Variants in SOX6 observed in about 807,000 individuals in gnomAD.
SOX6 encodes SRY-box transcription factor 6.
Under a neutral mutation model 97.8 loss-of-function variants are expected in SOX6, and 11 were observed. The ratio of observed to expected loss-of-function variants is 0.11; its 90% CI spans 0.07 to 0.19. The LOEUF is 0.19. Ranked by LOEUF, SOX6 falls within the 10% of genes least tolerant of loss-of-function variation. The pLI is 1.00. For synonymous variants in SOX6, 360 were observed against 371.4 expected (o/e 0.97, Z 0.35); for missense variants, 810 against 1,039.5 (o/e 0.78, Z 3.04).
chr11:16,064,882 C>T (rs998442898), intron 9 of SOX6, among the ~76,000 whole-genome samples: 2 of 151,738 alleles, frequency 1.3e-5, no homozygotes, highest in Non-Finnish European at 2.9e-5. Context: ...TAATAAAAGC[C>T]GTATATGACA....
intron 1 of SOX6, among the ~76,000 whole-genome samples, chr11:16,468,319 T>C (rs1186934916): frequency 2.0e-5 from 3 of 152,194 alleles, no homozygotes; most frequent in Non-Finnish European, 1.5e-5. Flanking sequence ...CTAAACTGAA[T>C]ACTAATGCAA....
chr11:16,343,597 T>C (rs1181266722), intron 1 of SOX6, among the ~76,000 whole-genome samples: 3 of 151,984 alleles, frequency 2.0e-5, no homozygotes, highest in Non-Finnish European at 4.4e-5. Context: ...TTTGTTAGAA[T>C]GTTTTCTTAA....
intron 4 of SOX6, among the ~76,000 whole-genome samples, chr11:16,491,341 T>C (rs1320296811): frequency 2.0e-5 from 3 of 152,174 alleles, no homozygotes; most frequent in African/African-American, 4.8e-5. Context: ...CAAGGCCTCA[T>C]TGCAATAAAC....
chr11:16,132,359 A>AAAGAAAGAAAGAAAGAAAGAAAG (rs1849789989), intron 6 of SOX6, among the ~76,000 whole-genome samples: 1 of 83,694 alleles, frequency 1.2e-5, no homozygotes, highest in African/African-American at 5.3e-5. Flanking sequence ...AGAAAGAAAG[A>AAAGAAAGAAAGAAAGAAAGAAAG]AAGAAAGAAA....
intron 1 of SOX6, among the ~76,000 whole-genome samples, chr11:16,404,490 T>G (rs1454683469): frequency 6.6e-6 from 1 of 151,906 alleles, no homozygotes; most frequent in African/African-American, 2.4e-5. Context: ...ACCTAAATTC[T>G]TAACATGTTA....
intron 3 of SOX6, among the ~76,000 whole-genome samples, chr11:16,648,242 C>A (rs1472423676): frequency 1.3e-5 from 2 of 151,996 alleles, no homozygotes; most frequent in Admixed American, 6.6e-5. Context: ...TACCACTATC[C>A]CCCACTTGCC....
intron 4 of SOX6, among the ~76,000 whole-genome samples, chr11:16,197,458 C>T (rs1475237974): frequency 6.6e-6 from 1 of 152,120 alleles, no homozygotes; most frequent in African/African-American, 2.4e-5. Flanking sequence ...GATCAGGTAA[C>T]AGGCAAGTAA....
intron 1 of SOX6, among the ~76,000 whole-genome samples, chr11:16,452,012 A>AAATAAATAAAT (rs1554968282): frequency 1.4e-5 from 2 of 142,200 alleles, no homozygotes; most frequent in African/African-American, 2.6e-5. Flanking sequence ...ATAAATAAAT[A>AAATAAATAAAT]AAATAAAATT....
chr11:16,392,504 T>A (rs776858106), intron 1 of SOX6, among the ~76,000 whole-genome samples: 15 of 152,188 alleles, frequency 9.9e-5, no homozygotes, highest in Non-Finnish European at 1.6e-4. Context: ...ATCTTTTTAA[T>A]GTGCCAGAAG....
At chr11:16,326,505 A>G (rs1393682112) in intron 2 of SOX6, among the ~76,000 whole-genome samples, 2 of 151,920 alleles carry the variant, frequency 1.3e-5, no homozygotes, top group African/African-American at 4.8e-5. Context: ...ATAGGGCTAC[A>G]GTTTTTTTTA....
chr11:16,089,540 T>C (rs1249687708), intron 9 of SOX6, among the ~76,000 whole-genome samples: 2 of 152,132 alleles, frequency 1.3e-5, no homozygotes, highest in Non-Finnish European at 2.9e-5. Flanking sequence ...CTAATCTTTA[T>C]AATCTAGAAC....
chr11:16,697,677 T>C (rs1239073273), intron 3 of SOX6, among the ~76,000 whole-genome samples: 1 of 152,250 alleles, frequency 6.6e-6, no homozygotes, highest in Non-Finnish European at 1.5e-5. Flanking sequence ...GTTTGGCAGC[T>C]ACAGCTTTAT....
chr11:16,185,755 C>G (rs1172263295), intron 5 of SOX6, among the ~76,000 whole-genome samples: 1 of 152,104 alleles, frequency 6.6e-6, no homozygotes, highest in African/African-American at 2.4e-5. Flanking sequence ...CTCTGGATGG[C>G]TAAATGACAT....
chr11:16,115,492 C>A (rs2133999698), intron 6 of SOX6, among the ~76,000 whole-genome samples: 1 of 152,284 alleles, frequency 6.6e-6, no homozygotes, highest in Admixed American at 6.5e-5. Flanking sequence ...ATCAGTAGAT[C>A]TGAGGTAGGG....
chr11:16,513,655 C>T (rs1306277468), intron 4 of SOX6, among the ~76,000 whole-genome samples: 1 of 151,912 alleles, frequency 6.6e-6, no homozygotes, highest in African/African-American at 2.4e-5. Flanking sequence ...AACAAACAAA[C>T]AAACCAGCAA....
chr11:16,133,183 T>C (rs1849865960), intron 6 of SOX6, among the ~76,000 whole-genome samples: 1 of 152,216 alleles, frequency 6.6e-6, no homozygotes, highest in South Asian at 2.1e-4. Flanking sequence ...AATAGTTCAG[T>C]GCTCTCCTAA....
chr11:16,608,498 G>T (rs556281336), intron 4 of SOX6, among the ~76,000 whole-genome samples: 1 of 151,710 alleles, frequency 6.6e-6, no homozygotes, highest in African/African-American at 2.4e-5. Flanking sequence ...AGAGAGAAAA[G>T]AAAGAGATGA....
intron 1 of SOX6, among the ~76,000 whole-genome samples, chr11:16,430,550 A>G (rs914896111): frequency 4.6e-5 from 7 of 152,148 alleles, no homozygotes; most frequent in Non-Finnish European, 8.8e-5. Flanking sequence ...GTGCTCTCAT[A>G]AAAACTCCCA....
intron 4 of SOX6, among the ~76,000 whole-genome samples, chr11:16,209,373 A>G (rs7112822): frequency 0.96 from 145,719 of 152,174 alleles, 70,079 homozygotes; most frequent in East Asian, 1. Flanking sequence ...TACTAGTCTG[A>G]CTAAGCTCTA....
Sources: gnomAD v4.1 joint callset for allele counts (sites outside exome capture counted in the v4.1 genomes callset) on GRCh38, gnomAD v4.1.1 for gene constraint, MANE v1.5 for transcripts, NCBI Gene and HGNC (gene_info 2026-07-23, HGNC 2026-07-21) for gene names.